The following EYS variants were observed in gnomAD, a reference collection of about 807,000 sequenced individuals.
EYS encodes EGF-like photoreceptor maintenance factor.
A neutral mutation model predicts 282.1 loss-of-function variants in EYS; 250 were observed. The ratio of observed to expected loss-of-function variants is 0.89; its 90% CI spans 0.80 to 0.98. The LOEUF (loss-of-function observed/expected upper bound fraction) is 0.98. EYS is among the 50% of genes least tolerant of loss of function. The pLI is 0.00. For synonymous variants in EYS, 1,355 were observed against 1,282.9 expected, an observed-to-expected ratio of 1.06 and a Z score of -1.20; for missense variants, 4,016 against 3,709.0, an observed-to-expected ratio of 1.08 and a Z score of -2.15.
intron 12 of EYS, among the ~76,000 whole-genome samples, chr6:65,285,316 G>A (rs905395525): frequency 2.0e-5 from 3 of 151,794 alleles, no homozygotes; most frequent in Non-Finnish European, 4.4e-5. Context: ...TTAAATTAAA[G>A]ACAATCAACT....
chr6:64,198,901 C>G (rs1005520977), intron 31 of EYS, among the ~76,000 whole-genome samples: 2 of 152,150 alleles, frequency 1.3e-5, no homozygotes, highest in African/African-American at 4.8e-5. Context: ...GGAATTGGCA[C>G]ACTGTCTTCC....
chr6:64,514,475 G>A lies in EYS; in HGVS notation c.5645-75123C>T, dbSNP rs114785113. Among the ~76,000 whole-genome samples, 451 of 151,892 alleles carry A rather than the reference G, an allele frequency of 3.0e-3. 3 individuals carry two copies. The highest frequency in any genetic ancestry group is 0.01 in the African/African-American group (419 of 41,498). ...GGCCATGGCCTTGTGACCTAAGCAT[G>A]GTCATTTGAATAATCCAGCAGAAGA... On this transcript the variant is annotated intron_variant, in intron 26 of 42. Transcript: ENST00000503581.
intron 30 of EYS, among the ~76,000 whole-genome samples, chr6:64,298,233 ATAAT>A (rs1440422670): frequency 4.6e-5 from 7 of 152,178 alleles, no homozygotes; most frequent in East Asian, 1.9e-4. Context: ...TGTTTTCTAA[ATAAT>A]TAAACAGATT....
intron 2 of EYS, among the ~76,000 whole-genome samples, chr6:65,546,185 G>GTT (rs5876969): frequency 3.2e-5 from 4 of 126,846 alleles, no homozygotes; most frequent in Non-Finnish European, 4.9e-5. Context: ...CATCTGTCTA[G>GTT]TTTTTTTTTT....
At chr6:65,531,205 A>G (rs1767757307) in intron 2 of EYS, among the ~76,000 whole-genome samples, 1 of 152,146 alleles carries the variant, frequency 6.6e-6, no homozygotes, top group South Asian at 2.1e-4. Context: ...AGGAAATTTT[A>G]TAGAAATTAA....
chr6:64,065,535 A>C (rs1218868246), intron 33 of EYS, among the ~76,000 whole-genome samples: 1 of 152,160 alleles, frequency 6.6e-6, no homozygotes, highest in Non-Finnish European at 1.5e-5. Flanking sequence ...TCAAAGACTG[A>C]TTTCCAAAAA....
chr6:64,659,129 A>G (rs1047045782), intron 22 of EYS, among the ~76,000 whole-genome samples: 7 of 151,988 alleles, frequency 4.6e-5, no homozygotes, highest in Admixed American at 6.6e-5. Context: ...CTGCTCCTGA[A>G]TGACTACTGG....
intron 27 of EYS, among the ~76,000 whole-genome samples, chr6:64,438,858 C>T (rs1365254657): frequency 1.3e-5 from 2 of 151,572 alleles, no homozygotes; most frequent in Admixed American, 6.6e-5. Context: ...GAGCAAAATA[C>T]TCTGACAATT....
intron 31 of EYS, among the ~76,000 whole-genome samples, chr6:64,097,224 G>A (rs529037263): frequency 2.0e-5 from 3 of 152,212 alleles, no homozygotes; most frequent in Non-Finnish European, 4.4e-5. Flanking sequence ...GAGGCAGTCT[G>A]TTCCGTTCTC....
intron 36 of EYS, among the ~76,000 whole-genome samples, chr6:63,845,885 A>C (rs1275416804): frequency 6.6e-6 from 1 of 152,182 alleles, no homozygotes. Flanking sequence ...TAGCTATCAT[A>C]ATATGTGGGA....
At chr6:65,117,134 G>C (rs554717703) in intron 12 of EYS, among the ~76,000 whole-genome samples, 1 of 152,150 alleles carries the variant, frequency 6.6e-6, no homozygotes, top group South Asian at 2.1e-4. Flanking sequence ...CCAGCCCAAA[G>C]GCTGCCTTAA....
intron 19 of EYS, among the ~76,000 whole-genome samples, chr6:64,832,051 A>C (rs933789744): frequency 1.3e-5 from 2 of 151,894 alleles, no homozygotes; most frequent in East Asian, 3.9e-4. Flanking sequence ...AATGAAAGAT[A>C]TTAGACAATA....
At chr6:63,829,931 TGGTGATAC>T (rs529119397) in intron 36 of EYS, among the ~76,000 whole-genome samples, 1 of 152,330 alleles carries the variant, frequency 6.6e-6, no homozygotes, top group Admixed American at 6.5e-5. Context: ...CAGCCTCTGC[TGGTGATAC>T]CCAGGAAAAC....
intron 2 of EYS, among the ~76,000 whole-genome samples, chr6:65,522,045 T>C (rs1411154317): frequency 6.6e-6 from 1 of 152,184 alleles, no homozygotes; most frequent in African/African-American, 2.4e-5. Flanking sequence ...ACTTTTAACA[T>C]TTATTACAAT....
chr6:64,344,191 T>C (rs1306917687), intron 29 of EYS, among the ~76,000 whole-genome samples: 1 of 152,122 alleles, frequency 6.6e-6, no homozygotes, highest in African/African-American at 2.4e-5. Context: ...GAGGGAATCC[T>C]CCCTAACTCA....
At chr6:65,489,773 C>T (rs1224316843) in intron 5 of EYS, 1 of 152,102 alleles carries the variant, frequency 6.6e-6, no homozygotes, top group Non-Finnish European at 1.5e-5. Flanking sequence ...GGCACATATA[C>T]ACCATGGAAT....
intron 12 of EYS, among the ~76,000 whole-genome samples, chr6:65,089,230 T>C (rs931852067): frequency 2.0e-5 from 3 of 152,064 alleles, no homozygotes; most frequent in Admixed American, 6.6e-5. Context: ...GAATGGTAGA[T>C]CCACCTATGA....
chr6:63,954,981 T>A (rs1277588453), intron 35 of EYS, among the ~76,000 whole-genome samples: 2 of 152,114 alleles, frequency 1.3e-5, no homozygotes, highest in Non-Finnish European at 2.9e-5. Context: ...CCCCCTCTCT[T>A]CCCTACACAT....
intron 2 of EYS, among the ~76,000 whole-genome samples, chr6:65,556,096 A>G (rs896619051): frequency 1.3e-5 from 2 of 151,858 alleles, no homozygotes; most frequent in Admixed American, 6.6e-5. Flanking sequence ...TTTTCTTTCA[A>G]TCTTTAACTA....
Sources: gnomAD v4.1 joint callset for allele counts (sites outside exome capture counted in the v4.1 genomes callset) on GRCh38, gnomAD v4.1.1 for gene constraint, MANE v1.5 for transcripts, NCBI Gene and HGNC (gene_info 2026-07-23, HGNC 2026-07-21) for gene names.